ZNF568: variants seen among roughly 807,000 people sequenced by gnomAD.
ZNF568 encodes the protein p53 inhibitor of SCO2 activation.
A neutral mutation model predicts 18.1 loss-of-function variants in ZNF568; 11 were observed. The observed-to-expected ratio is 0.61, with a 90% confidence interval of 0.38 to 1.00. The LOEUF (loss-of-function observed/expected upper bound fraction) is 1.00, where lower values mean the gene tolerates loss of function less well. Among genes scored for constraint, ZNF568 ranks in the 50% least tolerant of loss-of-function variants. The probability of loss-of-function intolerance (pLI) is 0.01; values close to 1 mark genes in which losing one functional copy is unlikely to be tolerated. For synonymous variants in ZNF568, 213 were observed against 246.6 expected, an observed-to-expected ratio of 0.86 and a Z score of 1.28; for missense variants, 639 against 768.2, an observed-to-expected ratio of 0.83 and a Z score of 1.99.
intron 1 of ZNF568, among the ~76,000 whole-genome samples, chr19:36,917,022 C>A (rs1013511861): frequency 2.2e-4 from 34 of 152,230 alleles, no homozygotes; most frequent in African/African-American, 8.2e-4. Context: ...TTATGACTTG[C>A]TGCTTTTATG....
chr19:36,988,517 T>C (rs2074395932), intron 2 of ZNF568, among the ~76,000 whole-genome samples: 3 of 152,054 alleles, frequency 2.0e-5, no homozygotes, highest in African/African-American at 7.2e-5. Flanking sequence ...GCAGGGAAGG[T>C]GCGGGACACT....
At chr19:36,930,958 AG>A (rs2146282111) in intron 4 of ZNF568, among the ~76,000 whole-genome samples, 1 of 152,312 alleles carries the variant, frequency 6.6e-6, no homozygotes, top group East Asian at 1.9e-4. Context: ...GAAATGTGTC[AG>A]TCACATGTCT....
Position 36,991,105 on chromosome 19 carries a change from A to G in ZNF568, c.10-71A>G. ...ACTTCCCTATTGAATTGCTTTCTCC[A>G]TTTTCTTTTATGTTGTCTTAAAGAT... On this transcript the variant is annotated intron_variant, in intron 2 of 4. Transcript: ENST00000433993. The G allele has an allele frequency of 3.4e-6, 5 of 1,458,668 alleles. No individual in the cohort carries two copies. In the South Asian group the frequency reaches 6.7e-5, roughly 20 times the overall value. 90.4% of individuals were successfully genotyped at this position (1,458,668 alleles called of 1,614,324 possible).
intron 6 of ZNF568, among the ~76,000 whole-genome samples, chr19:36,962,126 T>G (rs1304680037): frequency 6.6e-6 from 1 of 150,780 alleles, no homozygotes; most frequent in Non-Finnish European, 1.5e-5. Context: ...TTTATGTTTT[T>G]TTTTTTTTTA....
chr19:36,947,738 A>G (rs1440119912), intron 6 of ZNF568, among the ~76,000 whole-genome samples: 2 of 152,122 alleles, frequency 1.3e-5, no homozygotes, highest in Non-Finnish European at 2.9e-5. Flanking sequence ...GGCTTTAGCA[A>G]CCCTTCCAAG....
intron 4 of ZNF568, among the ~76,000 whole-genome samples, chr19:36,932,973 G>T (rs1053163431): frequency 6.6e-6 from 1 of 152,044 alleles, no homozygotes; most frequent in Non-Finnish European, 1.5e-5. Context: ...TATCCTCTGG[G>T]TTGTCTTTTC....
intron 3 of ZNF568, 125 bp downstream of exon 3, chr19:36,922,971 A>G (rs2073483602): frequency 1.4e-6 from 1 of 711,388 alleles, no homozygotes; most frequent in Non-Finnish European, 2.3e-6. Flanking sequence ...CAGGGGAGAC[A>G]TTTGTTTTTA....
chr19:36,983,334 G>A (rs896752199), downstream of ZNF568, among the ~76,000 whole-genome samples: 1 of 152,130 alleles, frequency 6.6e-6, no homozygotes, highest in Admixed American at 6.5e-5. Context: ...GAGTACTCAT[G>A]TTATCAATGG....
At chr19:36,991,054 C>G (rs1030799437) in intron 2 of ZNF568, 27 of 1,026,436 alleles carry the variant, frequency 2.6e-5, no homozygotes, top group Admixed American at 5.5e-5. Flanking sequence ...GTTGAAGGAG[C>G]CAGTATGGCC....
intron 2 of ZNF568, among the ~76,000 whole-genome samples, chr19:36,919,382 T>C (rs887342875): frequency 6.6e-6 from 1 of 152,120 alleles, no homozygotes; most frequent in African/African-American, 2.4e-5. Context: ...AAGACAGTGG[T>C]CCCCAGCCTT....
At chr19:36,968,798 A>G (rs114112709) in intron 6 of ZNF568, among the ~76,000 whole-genome samples, 2,059 of 151,298 alleles carry the variant, frequency 0.014, 58 homozygotes, top group African/African-American at 0.047. Flanking sequence ...AGAGAGAATC[A>G]AAAGTGGCAA....
chr19:36,953,546 G>A (rs10412513), downstream of ZNF568, among the ~76,000 whole-genome samples: 3,157 of 152,204 alleles, frequency 0.021, 63 homozygotes, highest in Middle Eastern at 0.054. Context: ...CCTTACAGAG[G>A]TGATGTTTTT....
Position 36,951,895 on chromosome 19 carries a change from G to A in ZNF568, c.*807G>A. Reference sequence around the variant, plus strand: ...ATCGCCCTCTTTGGCCTCCCAAAGTGCTGGGGTTTACAGGCTTGAGCCACT... The same window carrying A: ...ATCGCCCTCTTTGGCCTCCCAAAGTACTGGGGTTTACAGGCTTGAGCCACT... On this transcript the variant is annotated 3_prime_UTR_variant, in exon 7 of 7. Coordinates refer to ENST00000333987, the MANE Select transcript of ZNF568 (RefSeq NM_198539.4). 1 of 976,276 alleles carries A rather than the reference G, an allele frequency of 1.0e-6. No individual in the cohort carries two copies. The highest frequency in any genetic ancestry group is 1.2e-6 in the Non-Finnish European group (1 of 822,148). The allele number at this position is 976,276 out of a possible 1,614,324, so 60.5% of individuals were successfully genotyped here.
rs746798790 is a variant in ZNF568 at position 36,950,950 on chromosome 19, A to C, written c.1797A>C (p.Ser599=). The C allele has an allele frequency of 1.2e-6, 2 of 1,613,820 alleles. No individual in the cohort carries two copies. The highest frequency in any genetic ancestry group is 1.7e-6 in the Non-Finnish European group (2 of 1,179,936). The part of the protein sequence containing the change: ...NKCGKAFSQC[S]LLIIHMRSHT... ...GTGGGAAAGCCTTTTCTCAGTGCTC[A>C]TTACTTATTATACATATGAGAAGTC... is the stretch of plus-strand genomic sequence containing the variant. Residue 599 remains serine, a synonymous_variant, in exon 7 of 7, where the codon TCA becomes TCC. Transcript: ENST00000333987.
intron 2 of ZNF568, among the ~76,000 whole-genome samples, chr19:36,990,424 G>A (rs2074413402): frequency 6.6e-6 from 1 of 152,172 alleles, no homozygotes; most frequent in African/African-American, 2.4e-5. Flanking sequence ...AGACCAGCCT[G>A]GCCATCATGG....
At chr19:36,953,699 G>C (rs2074086174), downstream of ZNF568, among the ~76,000 whole-genome samples, 1 of 152,088 alleles carries the variant, frequency 6.6e-6, no homozygotes, top group African/African-American at 2.4e-5. Context: ...ATCACCTGAG[G>C]TCAGGAATTC....
Position 36,996,993 on chromosome 19 carries a change from T to TC in ZNF568, c.909dup (p.Ser304LeufsTer13), listed in dbSNP as rs781599966. ...AGGCGTGTGGGAAGGCCTTTACCCG[T>TC]CCCTCACACCTTTTTCGACATCAAA... is the stretch of plus-strand genomic sequence containing the variant. On this transcript the variant is annotated frameshift_variant, in exon 5 of 5. Transcript: ENST00000433993. LOFTEE classifies it low-confidence loss of function (END_TRUNC). 6.1e-5 allele frequency: 94 copies of TC among 1,546,628 alleles called. No homozygotes were observed. The African/African-American group carries it at 1.2e-3, about 20-fold the overall frequency.
intron 1 of ZNF568, 138 bp from the exon 2 acceptor site, chr19:36,917,441 C>T (rs1223746431): frequency 6.6e-6 from 1 of 152,192 alleles, no homozygotes; most frequent in Non-Finnish European, 1.5e-5. Context: ...CAGTCTACCA[C>T]CTTAAGAAAC....
rs762495560 is a variant in ZNF568 at position 36,949,571 on chromosome 19, A to G, written c.418A>G (p.Thr140Ala). ...ACAGGAAACACTTGTGAGGAAAGTC[A>G]CATCCATCTCCAAGAAAATTCTGAT... Reference protein sequence around the residue: ...KQQETLVRKVTSISKKILIKE... With the variant: ...KQQETLVRKVASISKKILIKE... The change falls in exon 7 of 7, where the codon ACA becomes GCA. Residue 140 changes from threonine (T) to alanine (A), a missense_variant. Physicochemically the swap from Thr to Ala is moderately conservative, Grantham distance 58. Coordinates refer to ENST00000333987, the MANE Select transcript of ZNF568 (RefSeq NM_198539.4). The G allele has an allele frequency of 2.5e-6, 4 of 1,611,756 alleles. No individual in the cohort carries two copies. The highest frequency in any genetic ancestry group is 3.4e-6 in the Non-Finnish European group (4 of 1,179,100).
Sources: allele counts gnomAD v4.1 joint callset (sites outside exome capture counted in the v4.1 genomes callset), GRCh38; gene constraint gnomAD v4.1.1; transcripts MANE v1.5; gene names NCBI Gene and HGNC (gene_info 2026-07-23, HGNC 2026-07-21).